MSH4: variants seen among roughly 807,000 people sequenced by gnomAD.
MSH4 encodes the protein mutS protein homolog 4.
Under a neutral mutation model 113.7 loss-of-function variants are expected in MSH4, and 106 were observed. That is an observed-to-expected ratio of 0.93 (90% CI 0.80 to 1.10). MSH4 has a LOEUF of 1.10. MSH4 is among the 50% of genes least tolerant of loss of function. MSH4 has a pLI of 0.00. For missense variants in MSH4, 1,061 were observed against 1,093.7 expected (o/e 0.97, Z 0.42); for synonymous variants, 368 against 380.2 (o/e 0.97, Z 0.37).
intron 9 of MSH4, 35 bp downstream of exon 9, chr1:75,867,623 C>A: frequency 7.5e-7 from 1 of 1,332,918 alleles, no homozygotes; most frequent in Non-Finnish European, 1.0e-6. Flanking sequence ...AAAACATGTC[C>A]AGCATTATTT....
At chr1:75,847,519 T>C (rs2100545558) in intron 7 of MSH4, among the ~76,000 whole-genome samples, 1 of 152,180 alleles carries the variant, frequency 6.6e-6, no homozygotes, top group East Asian at 1.9e-4. Context: ...AGAATGAGGG[T>C]AAGTCGTGTT....
chr1:75,877,049 C>A, intron 10 of MSH4, 49 bp downstream of exon 10: 2 of 1,184,164 alleles, frequency 1.7e-6, no homozygotes, highest in Non-Finnish European at 2.4e-6. Flanking sequence ...TCTCTTCTTC[C>A]TGATCATAAC....
chr1:75,802,501 C>T (rs757150759), intron 1 of MSH4, among the ~76,000 whole-genome samples: 15 of 152,148 alleles, frequency 9.9e-5, no homozygotes, highest in Non-Finnish European at 1.8e-4. Flanking sequence ...TTTAGAACTT[C>T]TATGTGCCAA....
At chr1:75,903,922 G>T (rs1652563911) in intron 19 of MSH4, among the ~76,000 whole-genome samples, 1 of 152,074 alleles carries the variant, frequency 6.6e-6, no homozygotes, top group Non-Finnish European at 1.5e-5. Context: ...AGTGGTGAAA[G>T]TGGGTGTCCC....
intron 8 of MSH4, among the ~76,000 whole-genome samples, chr1:75,851,424 T>G (rs779685613): frequency 6.6e-6 from 1 of 152,146 alleles, no homozygotes; most frequent in Non-Finnish European, 1.5e-5. Context: ...TTTTATTTTA[T>G]TTTTTGGGAC....
intron 6 of MSH4, among the ~76,000 whole-genome samples, chr1:75,820,783 C>A (rs192467446): frequency 1.3e-5 from 2 of 152,090 alleles, no homozygotes; most frequent in East Asian, 1.9e-4. Flanking sequence ...CCTGGATTCA[C>A]AACAAAGATC....
At chr1:75,857,397 C>A (rs1651342847) in intron 8 of MSH4, among the ~76,000 whole-genome samples, 1 of 152,120 alleles carries the variant, frequency 6.6e-6, no homozygotes, top group Non-Finnish European at 1.5e-5. Flanking sequence ...CCCAGGTTTT[C>A]TTCTAGGGTT....
intron 13 of MSH4, among the ~76,000 whole-genome samples, chr1:75,880,915 TATA>T (rs1178571598): frequency 6.6e-6 from 1 of 151,928 alleles, no homozygotes; most frequent in Non-Finnish European, 1.5e-5. Flanking sequence ...TCTTTCCAAG[TATA>T]ATGAGGGCTT....
At chr1:75,870,759 A>G (rs2100564145) in intron 9 of MSH4, among the ~76,000 whole-genome samples, 1 of 152,336 alleles carries the variant, frequency 6.6e-6, no homozygotes, top group African/African-American at 2.4e-5. Flanking sequence ...AGTCTTGGGT[A>G]TGTCTTTCTT....
intron 13 of MSH4, 41 bp downstream of exon 13, chr1:75,880,194 T>C (rs1401964522): frequency 1.8e-6 from 2 of 1,113,802 alleles, no homozygotes; most frequent in Non-Finnish European, 1.3e-6. Context: ...ATTAAATTGG[T>C]TTAATTTGAG....
Position 75,883,822 on chromosome 1 carries a change from G to A in MSH4, c.2107+1G>A. ...CTTTGTCAGATTATGGCCCAGATTGGTAAGTTATGGCTTTATTTATAATGA... is the reference window on the plus strand; with the variant it reads ...CTTTGTCAGATTATGGCCCAGATTGATAAGTTATGGCTTTATTTATAATGA... On this transcript the variant is annotated splice_donor_variant, in intron 15 of 19. Coordinates refer to ENST00000263187, the MANE Select transcript of MSH4 (RefSeq NM_002440.4). LOFTEE classifies it high-confidence loss of function. 1 of 1,610,142 alleles carries A rather than the reference G, an allele frequency of 6.2e-7. No individual in the cohort carries two copies. Among genetic ancestry groups the A allele is most frequent in the Non-Finnish European group, 8.5e-7 (1 of 1,178,004 alleles).
chr1:75,851,757 G>A (rs150247111), intron 8 of MSH4, among the ~76,000 whole-genome samples: 1 of 152,092 alleles, frequency 6.6e-6, no homozygotes, highest in Non-Finnish European at 1.5e-5. Context: ...TGATATAAGA[G>A]CCTTGCACTA....
intron 1 of MSH4, among the ~76,000 whole-genome samples, chr1:75,799,327 G>A (rs1239084243): frequency 2.0e-5 from 3 of 151,982 alleles, no homozygotes; most frequent in Admixed American, 6.6e-5. Context: ...CCAAATAGGC[G>A]AACAAAGGTT....
chr1:75,820,691 C>G (rs972171831), intron 6 of MSH4, among the ~76,000 whole-genome samples: 9 of 152,188 alleles, frequency 5.9e-5, no homozygotes, highest in Non-Finnish European at 1.2e-4. Context: ...TTTATTGCAT[C>G]TATTTGATTC....
At chr1:75,835,949 C>T (rs1650818777) in intron 7 of MSH4, among the ~76,000 whole-genome samples, 1 of 152,112 alleles carries the variant, frequency 6.6e-6, no homozygotes, top group Admixed American at 6.6e-5. Flanking sequence ...CGGAGTTCAC[C>T]TTTTGCTGGT....
chr1:75,875,453 C>G (rs1273081780), intron 9 of MSH4, among the ~76,000 whole-genome samples: 1 of 152,034 alleles, frequency 6.6e-6, no homozygotes, highest in Admixed American at 6.6e-5. Flanking sequence ...CATAACAGAA[C>G]AAGAAATCAT....
intron 19 of MSH4, among the ~76,000 whole-genome samples, chr1:75,902,247 T>A (rs978899864): frequency 1.4e-4 from 21 of 152,178 alleles, no homozygotes; most frequent in Admixed American, 1.1e-3. Flanking sequence ...TACATGTGCT[T>A]GCTTGTTACA....
At chr1:75,819,268 G>A (rs748464248) in intron 6 of MSH4, among the ~76,000 whole-genome samples, 13 of 152,138 alleles carry the variant, frequency 8.5e-5, no homozygotes, top group Non-Finnish European at 1.8e-4. Flanking sequence ...CAACGTGGGT[G>A]GATCACTTGA....
intron 5 of MSH4, 33 bp from the exon 6 acceptor site, chr1:75,816,340 A>T (rs748733234): frequency 6.9e-7 from 1 of 1,453,608 alleles, no homozygotes; most frequent in Non-Finnish European, 9.3e-7. Context: ...TATATTAAAG[A>T]CTTATAGTGA....
Sources: gnomAD v4.1 joint callset for allele counts (sites outside exome capture counted in the v4.1 genomes callset) on GRCh38, gnomAD v4.1.1 for gene constraint, MANE v1.5 for transcripts, NCBI Gene and HGNC (gene_info 2026-07-23, HGNC 2026-07-21) for gene names.